The following ACSBG1 variants were observed in gnomAD, a reference collection of about 807,000 sequenced individuals.
ACSBG1 encodes the protein long-chain-fatty-acid--CoA ligase ACSBG1.
A neutral mutation model predicts 80.2 loss-of-function variants in ACSBG1; 39 were observed. The ratio of observed to expected loss-of-function variants is 0.49; its 90% confidence interval spans 0.38 to 0.64. The LOEUF (loss-of-function observed/expected upper bound fraction) is 0.64. Ranked by LOEUF, ACSBG1 falls within the 30% of genes least tolerant of loss-of-function variation. The pLI is 0.00. For missense variants in ACSBG1, 828 were observed against 966.4 expected (o/e 0.86, Z 1.90); for synonymous variants, 392 against 379.5 (o/e 1.03, Z -0.38).
At chr15:78,192,709 G>A (rs1429303639) in intron 5 of ACSBG1, among the ~76,000 whole-genome samples, 1 of 152,200 alleles carries the variant, frequency 6.6e-6, no homozygotes, top group Non-Finnish European at 1.5e-5. Flanking sequence ...TGGCTCCTCT[G>A]GGGATCCAGA....
At chr15:78,190,938 T>C (rs574469517) in intron 5 of ACSBG1, among the ~76,000 whole-genome samples, 1 of 152,132 alleles carries the variant, frequency 6.6e-6, no homozygotes, top group Non-Finnish European at 1.5e-5. Context: ...AATAAAAAAA[T>C]AGCCAAATGG....
chr15:78,226,077 A>G (rs1467882131), intron 1 of ACSBG1, among the ~76,000 whole-genome samples: 1 of 152,248 alleles, frequency 6.6e-6, no homozygotes, highest in Non-Finnish European at 1.5e-5. Flanking sequence ...GAGAGCAATC[A>G]AAATGAAAGA....
At chr15:78,173,514 CT>C in intron 13 of ACSBG1, 78 bp downstream of exon 13, 3 of 1,552,416 alleles carry the variant, frequency 1.9e-6, no homozygotes, top group Non-Finnish European at 2.6e-6. Context: ...TGGCTGCTTC[CT>C]AACAGGCACC....
chr15:78,199,658 C>CTTTT (rs1221257567), intron 2 of ACSBG1, among the ~76,000 whole-genome samples: 4 of 138,286 alleles, frequency 2.9e-5, no homozygotes, highest in Admixed American at 2.2e-4. Context: ...CCATTCCCAG[C>CTTTT]TTTTTTTTTT....
Position 78,178,351 on chromosome 15 carries a change from T to C in ACSBG1, c.1702+263A>G, listed in dbSNP as rs368163981. On this transcript the variant is annotated intron_variant, in intron 11 of 13. Transcript: ENST00000258873. This position sits in a 1 kb window ranked among gnomAD's most constrained non-coding sequence, Gnocchi z 4.3. ...TCTAGCTCTGTCTCCCAGGCTGGTG[T>C]GCAAAGAGGCAATCTCAGCTCACTG... Among the ~76,000 whole-genome samples, 17 of 152,276 alleles carry C rather than the reference T, an allele frequency of 1.1e-4. No individual in the cohort carries two copies. The East Asian group carries it at 1.7e-3, about 16-fold the overall frequency.
intron 2 of ACSBG1, among the ~76,000 whole-genome samples, chr15:78,195,625 A>G (rs1169572621): frequency 6.6e-6 from 1 of 152,168 alleles, no homozygotes; most frequent in Non-Finnish European, 1.5e-5. Context: ...GAAAGGGTGT[A>G]TATGAAGAAG....
chr15:78,181,228 C>G, intron 8 of ACSBG1: 2 of 405,878 alleles, frequency 4.9e-6, no homozygotes, highest in Non-Finnish European at 8.7e-6. Flanking sequence ...ATCCCATTCC[C>G]CTCGGCAGCA....
In ACSBG1 at chr15:78,234,429, G is replaced by A. The variant is rs1338967379; in HGVS notation, c.73C>T (p.Pro25Ser). 5 of 1,613,060 alleles carry A rather than the reference G, an allele frequency of 3.1e-6. No individual in the cohort carries two copies. The highest frequency in any genetic ancestry group is 2.5e-6 in the Non-Finnish European group (3 of 1,180,036). The change falls in exon 1 of 14, where the codon CCA becomes TCA. Residue 25 changes from proline (P) to serine (S), a missense_variant. Pro to Ser is a moderately conservative substitution (Grantham distance 74). Coordinates refer to ENST00000258873, the MANE Select transcript of ACSBG1 (RefSeq NM_015162.5). ...ATCATGTCCTGCCGGCTCTCCTGTG[G>A]GGTCTCTCTGCTGTCCAGCATGCTG... is the stretch of plus-strand genomic sequence containing the variant. Reference protein sequence around the residue: ...DPSMLDSRETPQESRQDMIVR... With the variant: ...DPSMLDSRETSQESRQDMIVR...
rs780659799 is a variant in ACSBG1, at chr15:78,234,515, C to T, written c.-14G>A. 5.6e-6 allele frequency: 9 copies of T among 1,608,182 alleles called. No homozygotes were observed. Among genetic ancestry groups the T allele is most frequent in the Non-Finnish European group, 7.6e-6 (9 of 1,179,854 alleles). ...ATTGCGTGGCATCTGCCTCGGGCTTCCACTGAAGACAGCTCAGTCACCCAC... is the reference window on the plus strand; with the variant it reads ...ATTGCGTGGCATCTGCCTCGGGCTTTCACTGAAGACAGCTCAGTCACCCAC... On this transcript the variant is annotated 5_prime_UTR_variant, in exon 1 of 14. Transcript: ENST00000258873.
At chr15:78,183,899 G>A (rs987374070) in intron 5 of ACSBG1, among the ~76,000 whole-genome samples, 3 of 147,746 alleles carry the variant, frequency 2.0e-5, no homozygotes, top group East Asian at 2.0e-4. Context: ...GGTGGGGCGG[G>A]GAACACTACA....
At chr15:78,228,306 T>A (rs965667345) in intron 1 of ACSBG1, among the ~76,000 whole-genome samples, 4 of 152,196 alleles carry the variant, frequency 2.6e-5, no homozygotes, top group Non-Finnish European at 5.9e-5. Flanking sequence ...TGGCCCTAGA[T>A]GAAACTGTGC....
chr15:78,182,059 G>A lies in ACSBG1; in HGVS notation c.981C>T (p.Pro327=). ...VQQEVVVSYL[P]LSHIAAQIYD... Reference sequence around the variant, plus strand: ...AGATCTGGGCGGCAATATGGCTGAGGGGCAGGTAGCTGACTACCACCTCCT... The same window carrying A: ...AGATCTGGGCGGCAATATGGCTGAGAGGCAGGTAGCTGACTACCACCTCCT... The change falls in exon 8 of 14, where the codon CCC becomes CCT. Residue 327 remains proline (P), a synonymous_variant. Transcript: ENST00000258873. 1.2e-6 allele frequency: 2 copies of A among 1,613,976 alleles called. No individual in the cohort carries two copies. Among genetic ancestry groups the A allele is most frequent in the Non-Finnish European group, 1.7e-6 (2 of 1,180,022 alleles).
chr15:78,178,393 G>A lies in ACSBG1; in HGVS notation c.1702+221C>T, dbSNP rs752077876. ...AGCTCACTGCAACCTCTGCCTCCCGGGTTCAAGTAATTCTCGTGCCTCAGC... is the reference window on the plus strand; with the variant it reads ...AGCTCACTGCAACCTCTGCCTCCCGAGTTCAAGTAATTCTCGTGCCTCAGC... On this transcript the variant is annotated intron_variant, in intron 11 of 13. Transcript: ENST00000258873. The surrounding 1 kb of genome is among the most constrained non-coding windows in gnomAD (Gnocchi z 4.3). Among the ~76,000 whole-genome samples the A allele has an allele frequency of 3.9e-5, 6 of 152,066 alleles. No homozygotes were observed. The highest frequency in any genetic ancestry group is 7.4e-5 in the Non-Finnish European group (5 of 68,014).
Position 78,173,673 on chromosome 15 carries a change from A to G in ACSBG1, c.2009T>C (p.Met670Thr), listed in dbSNP as rs138623700. The G allele has an allele frequency of 4.7e-5, 76 of 1,614,122 alleles. No individual in the cohort carries two copies. The highest frequency in any genetic ancestry group is 1.7e-5 in the Admixed American group (1 of 60,008). The stretch of plus-strand genomic sequence containing the variant: ...GTGGTAGGGCCGGGCCGCCGCGTTC[A>G]TGTTGACCCTCCGGATCCCCTCTTC... The part of the protein sequence containing the change: ...AIEEGIRRVN[M>T]NAAARPYHIQ... The change falls in exon 13 of 14, where the codon ATG becomes ACG. Residue 670 changes from methionine (M) to threonine (T), a missense_variant. By Grantham distance (81) the Met-to-Thr change is moderately conservative (BLOSUM62 -1). Coordinates refer to ENST00000258873, the MANE Select transcript of ACSBG1 (RefSeq NM_015162.5).
In ACSBG1 at chr15:78,180,881, G is replaced by T; in HGVS notation, c.1127C>A (p.Pro376His). 6.2e-7 allele frequency: 1 copy of T among 1,614,188 alleles called. No homozygotes were observed. The highest frequency in any genetic ancestry group is 8.5e-7 in the Non-Finnish European group (1 of 1,180,026). Residue 376 changes from proline (P) to histidine (H), a missense_variant, in exon 9 of 14, where the codon CCC becomes CAC. Pro to His is a moderately conservative substitution (Grantham distance 77). This residue lies in a region of ACSBG1 where 271 missense variants were observed against 375.9 expected (regional missense o/e 0.72). Coordinates refer to ENST00000258873, the MANE Select transcript of ACSBG1 (RefSeq NM_015162.5). ...CTCCATGATCTTCTCCCATACCCGG[G>T]GCACCCCCATGTGTGATGTGGGCTC... ...EVEPTSHMGV[P>H]RVWEKIMERI...
Position 78,182,031 on chromosome 15 carries a change from C to T in ACSBG1, c.1009G>A (p.Asp337Asn), listed in dbSNP as rs372447099. ...CCCCACTGGATGCCTGTCCACAGGTCGTAGATCTGGGCGGCAATATGGCTG... is the reference window on the plus strand; with the variant it reads ...CCCCACTGGATGCCTGTCCACAGGTTGTAGATCTGGGCGGCAATATGGCTG... ...PLSHIAAQIY[D>N]LWTGIQWGAQ... is the part of the protein sequence containing the mutation. Residue 337 changes from aspartate to asparagine, a missense_variant, in exon 8 of 14, where the codon GAC becomes AAC. By Grantham distance (23) the Asp-to-Asn change is conservative. Transcript: ENST00000258873. 6.2e-6 allele frequency: 10 copies of T among 1,613,978 alleles called. No individual in the cohort carries two copies. Among genetic ancestry groups the T allele is most frequent in the Non-Finnish European group, 8.5e-6 (10 of 1,180,028 alleles).
chr15:78,232,778 G>C (rs543203674), intron 1 of ACSBG1, among the ~76,000 whole-genome samples: 1 of 151,446 alleles, frequency 6.6e-6, no homozygotes, highest in Non-Finnish European at 1.5e-5. Flanking sequence ...TCCACCTCCC[G>C]GGTTCAAGCA....
chr15:78,207,104 T>C (rs1567092508), intron 2 of ACSBG1, among the ~76,000 whole-genome samples: 1 of 152,236 alleles, frequency 6.6e-6, no homozygotes, highest in Admixed American at 6.5e-5. Flanking sequence ...CTTGGAATCC[T>C]GGGAGGATGA....
intron 1 of ACSBG1, chr15:78,209,179 A>C (rs572678090): frequency 4.4e-6 from 2 of 456,128 alleles, no homozygotes; most frequent in South Asian, 3.1e-5. Flanking sequence ...CCTTGTCGGC[A>C]CTGCAGGTTC....
Sources: allele counts gnomAD v4.1 joint callset (sites outside exome capture counted in the v4.1 genomes callset), GRCh38; gene constraint gnomAD v4.1.1; regional missense constraint gnomAD v4.1.1; non-coding constraint Gnocchi (gnomAD v3.1); transcripts MANE v1.5; gene names NCBI Gene and HGNC (gene_info 2026-07-23, HGNC 2026-07-21).